RFX3: variants seen among roughly 807,000 people sequenced by gnomAD.
RFX3 encodes the protein regulatory factor X3, also known as transcription factor RFX3.
In RFX3, 14 loss-of-function variants were observed where a neutral mutation model predicts 98.6. That is an observed-to-expected ratio of 0.14 (90% CI 0.09 to 0.22). The LOEUF is 0.22. Among genes scored for constraint, RFX3 ranks in the 10% least tolerant of loss-of-function variants. RFX3 has a pLI of 1.00. For missense variants in RFX3, 639 were observed against 926.9 expected (o/e 0.69, Z 4.03); for synonymous variants, 383 against 328.4 (o/e 1.17, Z -1.80).
At chr9:3,444,719 G>C (rs1038330710) in intron 1 of RFX3, among the ~76,000 whole-genome samples, 3 of 152,202 alleles carry the variant, frequency 2.0e-5, no homozygotes, top group African/African-American at 4.8e-5. Flanking sequence ...CAAGTAAAAT[G>C]CTGATTAGAT....
chr9:3,228,729 A>C (rs1362684157), intron 16 of RFX3, 118 bp downstream of exon 16: 2 of 746,440 alleles, frequency 2.7e-6, no homozygotes, highest in Non-Finnish European at 4.2e-6. Flanking sequence ...CTATTTATCT[A>C]GGATTTGTAT....
intron 1 of RFX3, among the ~76,000 whole-genome samples, chr9:3,439,293 T>A (rs1345808811): frequency 6.6e-6 from 1 of 151,816 alleles, no homozygotes; most frequent in African/African-American, 2.4e-5. Flanking sequence ...AAGCCTCAAG[T>A]AATGAGAAGA....
In RFX3 at chr9:3,221,865, C is replaced by T. The variant is rs757270686; in HGVS notation, c.*3177G>A. 2.0e-5 allele frequency: 3 copies of T among 152,174 alleles called. No homozygotes were observed. The highest frequency in any genetic ancestry group is 4.4e-5 in the Non-Finnish European group (3 of 68,008). The allele number at this position is 152,174 out of a possible 1,614,324, so 9.4% of individuals were successfully genotyped here. On this transcript the variant is annotated 3_prime_UTR_variant, in exon 17 of 17. Transcript: ENST00000617270. Reference sequence around the variant, plus strand: ...AACATACCTTCCTTACATTCTTCCTCACTGAAAGTGTAGGACTTGGTTTAT... The same window carrying T: ...AACATACCTTCCTTACATTCTTCCTTACTGAAAGTGTAGGACTTGGTTTAT...
At chr9:3,315,315 T>A (rs1028914789) in intron 4 of RFX3, among the ~76,000 whole-genome samples, 2 of 152,176 alleles carry the variant, frequency 1.3e-5, no homozygotes, top group African/African-American at 4.8e-5. Flanking sequence ...AAGGTATTCT[T>A]TGAAACCAAT....
chr9:3,401,355 C>T (rs1841456121), intron 1 of RFX3, among the ~76,000 whole-genome samples: 1 of 152,126 alleles, frequency 6.6e-6, no homozygotes, highest in African/African-American at 2.4e-5. Context: ...AAGTAAGGAT[C>T]ATCACATGAG....
intron 5 of RFX3, among the ~76,000 whole-genome samples, chr9:3,299,292 T>G (rs1828363018): frequency 6.6e-6 from 1 of 151,798 alleles, no homozygotes; most frequent in Non-Finnish European, 1.5e-5. Flanking sequence ...CAGTTGTTTT[T>G]GATAAATCTC....
At chr9:3,424,958 A>C (rs1393233522) in intron 1 of RFX3, among the ~76,000 whole-genome samples, 1 of 152,176 alleles carries the variant, frequency 6.6e-6, no homozygotes, top group Non-Finnish European at 1.5e-5. Context: ...GGCCAGGCAC[A>C]GTGGTTCATA....
At chr9:3,357,900 A>G (rs1041743383) in intron 2 of RFX3, among the ~76,000 whole-genome samples, 7 of 152,052 alleles carry the variant, frequency 4.6e-5, no homozygotes, top group African/African-American at 1.7e-4. Flanking sequence ...GAGTTTCTCT[A>G]AAAGGTCTTC....
At chr9:3,373,496 C>T (rs1838088162) in intron 2 of RFX3, among the ~76,000 whole-genome samples, 1 of 152,062 alleles carries the variant, frequency 6.6e-6, no homozygotes, top group Non-Finnish European at 1.5e-5. Flanking sequence ...AATTTTAGTC[C>T]TAATTGCCTG....
At chr9:3,435,878 C>G (rs942316186) in intron 1 of RFX3, among the ~76,000 whole-genome samples, 3 of 148,436 alleles carry the variant, frequency 2.0e-5, no homozygotes, top group African/African-American at 7.4e-5. Context: ...ATTTGTACTT[C>G]ATGATGCTGC....
chr9:3,319,612 A>C (rs1438477257), intron 4 of RFX3, among the ~76,000 whole-genome samples: 1 of 152,230 alleles, frequency 6.6e-6, no homozygotes, highest in Non-Finnish European at 1.5e-5. Flanking sequence ...AAAATTAATC[A>C]ATTGATAACA....
At chr9:3,372,082 G>A (rs940567894) in intron 2 of RFX3, among the ~76,000 whole-genome samples, 2 of 152,108 alleles carry the variant, frequency 1.3e-5, no homozygotes, top group African/African-American at 4.8e-5. Context: ...GTGTACACCG[G>A]CCAAGCTTCT....
chr9:3,297,149 C>A (rs535628762), intron 5 of RFX3, among the ~76,000 whole-genome samples: 1 of 152,100 alleles, frequency 6.6e-6, no homozygotes, highest in East Asian at 1.9e-4. Context: ...TGGGTTTTGT[C>A]TTTAATACAA....
chr9:3,525,048 G>T (rs899342279), intron 1 of RFX3, among the ~76,000 whole-genome samples: 4 of 151,674 alleles, frequency 2.6e-5, no homozygotes, highest in African/African-American at 9.7e-5. Context: ...ACTGTTTGCC[G>T]CACAAAGAAA....
At chr9:3,475,931 G>A (rs1163470279) in intron 1 of RFX3, among the ~76,000 whole-genome samples, 5 of 152,182 alleles carry the variant, frequency 3.3e-5, no homozygotes, top group Non-Finnish European at 7.3e-5. Flanking sequence ...ACCACAGTCT[G>A]CTTGGCAACA....
chr9:3,515,371 T>C (rs1365950269), intron 1 of RFX3, among the ~76,000 whole-genome samples: 1 of 152,202 alleles, frequency 6.6e-6, no homozygotes, highest in Admixed American at 6.5e-5. Flanking sequence ...AATGCCCGTC[T>C]TCACAAAAAT....
chr9:3,286,654 T>A (rs59905189), intron 7 of RFX3, among the ~76,000 whole-genome samples: 1 of 151,934 alleles, frequency 6.6e-6, no homozygotes, highest in Non-Finnish European at 1.5e-5. Flanking sequence ...AAGCCTTACA[T>A]AGCTTCAAAG....
chr9:3,408,640 G>A (rs940437101), intron 1 of RFX3, among the ~76,000 whole-genome samples: 19 of 149,654 alleles, frequency 1.3e-4, no homozygotes, highest in African/African-American at 4.4e-4. Flanking sequence ...ACACACGCAC[G>A]CACACATGGC....
At chr9:3,362,754 G>A (rs908805912) in intron 2 of RFX3, among the ~76,000 whole-genome samples, 3 of 152,144 alleles carry the variant, frequency 2.0e-5, no homozygotes, top group Non-Finnish European at 4.4e-5. Context: ...GAATTAAATG[G>A]AAGTGAATTA....
Sources: gnomAD v4.1 joint callset for allele counts (sites outside exome capture counted in the v4.1 genomes callset) on GRCh38, gnomAD v4.1.1 for gene constraint, MANE v1.5 for transcripts, NCBI Gene and HGNC (gene_info 2026-07-23, HGNC 2026-07-21) for gene names.